CCSER1: variants seen among roughly 807,000 people sequenced by gnomAD.
The protein encoded by CCSER1 is coiled-coil serine rich protein 1.
CCSER1 carries 41 observed loss-of-function variants against 82.0 expected under a neutral mutation model. The observed-to-expected ratio is 0.50, with a 90% confidence interval of 0.39 to 0.65. The LOEUF (loss-of-function observed/expected upper bound fraction) is 0.65, where lower values mean the gene tolerates loss of function less well. Ranked by LOEUF, CCSER1 falls within the 30% of genes least tolerant of loss-of-function variation. The pLI, the probability that CCSER1 is intolerant of heterozygous loss-of-function variation, is 0.00. For missense variants in CCSER1, 1,119 were observed against 1,064.2 expected (o/e 1.05, Z -0.72); for synonymous variants, 414 against 383.9 (o/e 1.08, Z -0.92).
At chr4:90,430,788 G>C (rs1370762021) in intron 4 of CCSER1, among the ~76,000 whole-genome samples, 1 of 151,774 alleles carries the variant, frequency 6.6e-6, no homozygotes, top group African/African-American at 2.4e-5. Context: ...AACAAAATAG[G>C]ACTAATGAAA....
At chr4:90,289,844 A>G (rs1192470448) in intron 1 of CCSER1, among the ~76,000 whole-genome samples, 1 of 151,738 alleles carries the variant, frequency 6.6e-6, no homozygotes, top group Non-Finnish European at 1.5e-5. Flanking sequence ...AGTCCTTATA[A>G]TAGTTAAATT....
intron 10 of CCSER1, among the ~76,000 whole-genome samples, chr4:91,500,245 T>A (rs1430104762): frequency 6.6e-6 from 1 of 152,090 alleles, no homozygotes. Flanking sequence ...TCATGTCATA[T>A]GCTTACTTGC....
At chr4:90,773,197 G>A (rs535359008) in intron 7 of CCSER1, among the ~76,000 whole-genome samples, 1 of 152,244 alleles carries the variant, frequency 6.6e-6, no homozygotes, top group African/African-American at 2.4e-5. Context: ...CCGAGTTCAC[G>A]CCTTTGCACT....
At chr4:90,648,685 C>A (rs1728173407) in intron 6 of CCSER1, among the ~76,000 whole-genome samples, 1 of 152,176 alleles carries the variant, frequency 6.6e-6, no homozygotes, top group Non-Finnish European at 1.5e-5. Context: ...AGAAGAGAAG[C>A]TGTAGGAGAA....
chr4:90,949,146 A>G, intron 9 of CCSER1, among the ~76,000 whole-genome samples: 1 of 152,156 alleles, frequency 6.6e-6, no homozygotes, highest in East Asian at 1.9e-4. Flanking sequence ...ACACAGACCT[A>G]CTTGGTGCTT....
chr4:90,261,015 T>TA (rs1724234807), intron 1 of CCSER1, among the ~76,000 whole-genome samples: 1 of 152,146 alleles, frequency 6.6e-6, no homozygotes, highest in Admixed American at 6.6e-5. Flanking sequence ...CACACCTGGC[T>TA]AGGTGTTGGT....
At chr4:90,890,299 C>T (rs535694115) in intron 8 of CCSER1, among the ~76,000 whole-genome samples, 1 of 152,236 alleles carries the variant, frequency 6.6e-6, no homozygotes, top group South Asian at 2.1e-4. Context: ...CTTCAGACTC[C>T]TCATCTCACA....
At chr4:90,519,979 G>T (rs1772870962) in intron 5 of CCSER1, among the ~76,000 whole-genome samples, 1 of 151,972 alleles carries the variant, frequency 6.6e-6, no homozygotes, top group Admixed American at 6.6e-5. Context: ...CATGAACTTT[G>T]AAATTATACT....
chr4:90,731,894 G>C (rs536379656), intron 7 of CCSER1, among the ~76,000 whole-genome samples: 9 of 152,270 alleles, frequency 5.9e-5, no homozygotes, highest in Non-Finnish European at 1.3e-4. Context: ...TCTTGTGTGA[G>C]GTTTTAAAGT....
intron 5 of CCSER1, among the ~76,000 whole-genome samples, chr4:90,544,274 G>T (rs993386146): frequency 3.9e-5 from 6 of 152,116 alleles, no homozygotes; most frequent in African/African-American, 1.4e-4. Context: ...TGTAAGTCCA[G>T]GTGTCCCCCA....
At chr4:90,856,921 A>C (rs998623558) in intron 8 of CCSER1, among the ~76,000 whole-genome samples, 2 of 149,336 alleles carry the variant, frequency 1.3e-5, no homozygotes, top group African/African-American at 5.0e-5. Context: ...GCAGGGACTC[A>C]TTCGGAGCTG....
chr4:90,512,050 C>T (rs1771603310), intron 5 of CCSER1, among the ~76,000 whole-genome samples: 1 of 151,988 alleles, frequency 6.6e-6, no homozygotes, highest in Non-Finnish European at 1.5e-5. Flanking sequence ...CCCAGTGGTC[C>T]AGGACAAGGT....
intron 3 of CCSER1, among the ~76,000 whole-genome samples, chr4:90,388,299 ATGTTTGTT>A (rs144840089): frequency 2.1e-4 from 32 of 150,290 alleles, no homozygotes; most frequent in African/African-American, 3.2e-4. Context: ...AGTACAAGTG[ATGTTTGTT>A]TGTTTGTTTG....
chr4:91,131,096 AAC>A (rs926669247), intron 10 of CCSER1, among the ~76,000 whole-genome samples: 13 of 152,026 alleles, frequency 8.6e-5, no homozygotes, highest in African/African-American at 2.9e-4. Flanking sequence ...TTTTAGAGAA[AAC>A]AGTGTTCCAG....
At chr4:90,346,523 C>T (rs1229190044) in intron 3 of CCSER1, among the ~76,000 whole-genome samples, 1 of 151,988 alleles carries the variant, frequency 6.6e-6, no homozygotes, top group Non-Finnish European at 1.5e-5. Flanking sequence ...AACCTGAAAG[C>T]TTCTTAACTT....
intron 8 of CCSER1, among the ~76,000 whole-genome samples, chr4:90,829,092 G>A (rs931596549): frequency 1.3e-5 from 2 of 152,010 alleles, no homozygotes; most frequent in Non-Finnish European, 2.9e-5. Context: ...CCAAAGACAA[G>A]TAGTCAAGAG....
At chr4:90,764,352 A>G (rs191506721) in intron 7 of CCSER1, among the ~76,000 whole-genome samples, 2 of 152,230 alleles carry the variant, frequency 1.3e-5, no homozygotes, top group Non-Finnish European at 2.9e-5. Context: ...ACTATAATCC[A>G]TGAAGCCATT....
chr4:90,309,878 G>A (rs1219226901), intron 2 of CCSER1, among the ~76,000 whole-genome samples: 1 of 151,992 alleles, frequency 6.6e-6, no homozygotes, highest in Non-Finnish European at 1.5e-5. Flanking sequence ...CTTAGTTACG[G>A]TGTTTATTGG....
At chr4:91,490,679 C>A (rs1758470049) in intron 10 of CCSER1, among the ~76,000 whole-genome samples, 1 of 149,056 alleles carries the variant, frequency 6.7e-6, no homozygotes, top group African/African-American at 2.5e-5. Context: ...TATTTGATAG[C>A]ACAACAGTTG....
Sources: allele counts gnomAD v4.1 joint callset (sites outside exome capture counted in the v4.1 genomes callset), GRCh38; gene constraint gnomAD v4.1.1; transcripts MANE v1.5; gene names NCBI Gene and HGNC (gene_info 2026-07-23, HGNC 2026-07-21).